The following DOCK6 variants were observed in gnomAD, a reference collection of about 807,000 sequenced individuals.
DOCK6 encodes dedicator of cytokinesis 6, also known as dedicator of cytokinesis protein 6.
DOCK6 carries 167 observed loss-of-function variants against 230.3 expected under a neutral mutation model. That is an observed-to-expected ratio of 0.73 (90% CI 0.64 to 0.82). The LOEUF is 0.82. Among genes scored for constraint, DOCK6 ranks in the 40% least tolerant of loss-of-function variants. The probability of loss-of-function intolerance (pLI) is 0.00; values close to 1 mark genes in which losing one functional copy is unlikely to be tolerated. For missense variants in DOCK6, 2,598 were observed against 2,825.8 expected (o/e 0.92, Z 1.83); for synonymous variants, 1,148 against 1,185.0 (o/e 0.97, Z 0.64).
intron 14 of DOCK6, chr19:11,240,435 T>C: frequency 1.1e-6 from 1 of 878,066 alleles, no homozygotes. Context: ...CAGACAAAAC[T>C]CAAGTCCTTT....
chr19:11,251,164 C>T (rs1276348261), intron 5 of DOCK6, 78 bp from the exon 6 acceptor site: 5 of 1,399,500 alleles, frequency 3.6e-6, no homozygotes, highest in African/African-American at 2.8e-5. Flanking sequence ...TGTCCTCATA[C>T]TCATTCTAGA....
At chr19:11,254,020 A>G in intron 1 of DOCK6, 1 of 317,352 alleles carries the variant, frequency 3.2e-6, no homozygotes, top group Non-Finnish European at 5.7e-6. Flanking sequence ...AGGGAGGCCC[A>G]CGGGTCCCTG....
chr19:11,257,746 G>A (rs1458730132), intron 1 of DOCK6, among the ~76,000 whole-genome samples: 3 of 151,584 alleles, frequency 2.0e-5, no homozygotes, highest in East Asian at 1.9e-4. Context: ...CCGAGATTGC[G>A]CCACTGTACT....
chr19:11,221,620 T>G (rs1354064014), intron 28 of DOCK6: 1 of 571,694 alleles, frequency 1.7e-6, no homozygotes, highest in East Asian at 2.9e-5. Flanking sequence ...CCCCACATTT[T>G]CACATAACCT....
In DOCK6 at chr19:11,236,933, G is replaced by A. The variant is rs1283856271; in HGVS notation, c.2074-54C>T. ...TGGTCAGCCCTCCCTGACTGATCAG[G>A]TCACCCAGCGGCCCCAGCCATTGCG... On this transcript the variant is annotated intron_variant, in intron 18 of 47. Transcript: ENST00000294618. The surrounding 1 kb of genome is among the most constrained non-coding windows in gnomAD (Gnocchi z 5.2). 6.6e-7 allele frequency: 1 copy of A among 1,511,742 alleles called. No homozygotes were observed. Among genetic ancestry groups the A allele is most frequent in the Non-Finnish European group, 8.9e-7 (1 of 1,121,162 alleles). The allele number at this position is 1,511,742 out of a possible 1,614,324, so 93.6% of individuals were successfully genotyped here. A position where few individuals can be genotyped will look rare whatever the true frequency, so the allele number is the denominator to read the frequency against.
intron 14 of DOCK6, chr19:11,239,710 G>A: frequency 6.2e-7 from 1 of 1,613,630 alleles, no homozygotes; most frequent in South Asian, 1.1e-5. Context: ...GGCCCCCATG[G>A]GCGGCCCAGA....
chr19:11,241,423 G>T (rs1326511041), intron 14 of DOCK6: 3 of 1,508,774 alleles, frequency 2.0e-6, no homozygotes, highest in Non-Finnish European at 2.7e-6. Flanking sequence ...GTCGGCTGAG[G>T]TTTCCATTCT....
In DOCK6 at chr19:11,201,787, A is replaced by G; in HGVS notation, c.5688+102T>C. Reference sequence around the variant, plus strand: ...CCCTCTCTGGGTCTGAGGTCCGTGAACCACCTTGGGTCTGGGTCCCTGTGT... The same window carrying G: ...CCCTCTCTGGGTCTGAGGTCCGTGAGCCACCTTGGGTCTGGGTCCCTGTGT... On this transcript the variant is annotated intron_variant, in intron 44 of 47. Coordinates refer to ENST00000294618, the MANE Select transcript of DOCK6 (RefSeq NM_020812.4). This position sits in a 1 kb window ranked among gnomAD's most constrained non-coding sequence, Gnocchi z 4.3. 8.7e-7 allele frequency: 1 copy of G among 1,150,770 alleles called. No homozygotes were observed. Among genetic ancestry groups the G allele is most frequent in the South Asian group, 1.5e-5 (1 of 67,166 alleles). The allele number at this position is 1,150,770 out of a possible 1,614,324, so 71.3% of individuals were successfully genotyped here. A position where few individuals can be genotyped will look rare whatever the true frequency, so the allele number is the denominator to read the frequency against.
intron 22 of DOCK6, 176 bp from the exon 23 acceptor site, chr19:11,229,211 C>T (rs2079723520): frequency 7.7e-7 from 1 of 1,300,260 alleles, no homozygotes; most frequent in Non-Finnish European, 1.0e-6. Flanking sequence ...CGCCAGACCC[C>T]CCTGGACTCT....
intron 1 of DOCK6, among the ~76,000 whole-genome samples, chr19:11,257,546 C>T (rs373902662): frequency 1.4e-5 from 2 of 146,470 alleles, no homozygotes; most frequent in Non-Finnish European, 1.5e-5. Flanking sequence ...CCCAGCACTT[C>T]GGGAGGCCGA....
chr19:11,214,743 T>A, intron 32 of DOCK6, 94 bp from the exon 33 acceptor site: 5 of 1,050,672 alleles, frequency 4.8e-6, no homozygotes, highest in African/African-American at 1.6e-5. Flanking sequence ...CAGGGGGCAC[T>A]GGCTCCCTGG....
At chr19:11,258,342 C>T (rs116504565) in intron 1 of DOCK6, among the ~76,000 whole-genome samples, 2,737 of 152,238 alleles carry the variant, frequency 0.018, 83 homozygotes, top group African/African-American at 0.062. Flanking sequence ...GAGATAGTCC[C>T]CATGGGAAAT....
intron 41 of DOCK6, 72 bp downstream of exon 41, chr19:11,204,009 T>G: frequency 6.5e-7 from 1 of 1,542,502 alleles, no homozygotes; most frequent in Non-Finnish European, 8.8e-7. Context: ...CCCCCTGGTG[T>G]TCACTGATGG....
chr19:11,232,953 T>C (rs975300684), intron 22 of DOCK6, among the ~76,000 whole-genome samples: 2 of 152,022 alleles, frequency 1.3e-5, no homozygotes, highest in African/African-American at 4.8e-5. Context: ...TAGGTACATA[T>C]TGCTCTTTGT....
chr19:11,240,664 C>T (rs1255001489), intron 14 of DOCK6, among the ~76,000 whole-genome samples: 1 of 151,334 alleles, frequency 6.6e-6, no homozygotes, highest in Non-Finnish European at 1.5e-5. Flanking sequence ...ACTGCAACCT[C>T]CACCTCCTAG....
At chr19:11,227,315 A>G (rs1441616022) in intron 24 of DOCK6, 22 bp downstream of exon 24, 1 of 1,611,276 alleles carries the variant, frequency 6.2e-7, no homozygotes. Context: ...TTCTTCCCAC[A>G]TTGAGACCCT....
At chr19:11,225,085 G>A (rs192903826) in intron 24 of DOCK6, among the ~76,000 whole-genome samples, 80 of 151,986 alleles carry the variant, frequency 5.3e-4, no homozygotes, top group African/African-American at 1.8e-3. Context: ...AAAATTAGCC[G>A]GGCATGGTGG....
rs766676229 is a variant in DOCK6 at position 11,202,393 on chromosome 19, C to T, written c.5451+1G>A. ...TTTGGGGAAATGGTTGGGGGACCCA[C>T]CTTTTGTGAGTCAAGCTTGGACTTG... On this transcript the variant is annotated splice_donor_variant, in intron 43 of 47. Coordinates refer to ENST00000294618, the MANE Select transcript of DOCK6 (RefSeq NM_020812.4). LOFTEE classifies it high-confidence loss of function. The surrounding 1 kb of genome is among the most constrained non-coding windows in gnomAD (Gnocchi z 5.3). 4 of 1,613,600 alleles carry T rather than the reference C, an allele frequency of 2.5e-6. No individual in the cohort carries two copies. The highest frequency in any genetic ancestry group is 2.2e-5 in the East Asian group (1 of 44,882).
In DOCK6 at chr19:11,243,131, C is replaced by G. The variant is rs970528614; in HGVS notation, c.1408G>C (p.Glu470Gln). The stretch of plus-strand genomic sequence containing the variant: ...TCAGCCAGGAACTTGAAGAGGTCCT[C>G]GTCACTGAGTCGCTCAGCCTCCTAC... ...FKQEAERLSDEDLFKFLADMR... is the reference protein window; with the variant it reads ...FKQEAERLSDQDLFKFLADMR... Residue 470 changes from glutamate to glutamine, a missense_variant, in exon 13 of 48, where the codon GAG becomes CAG. Physicochemically the swap from Glu to Gln is conservative, Grantham distance 29 (BLOSUM62 2). Coordinates refer to ENST00000294618, the MANE Select transcript of DOCK6 (RefSeq NM_020812.4). This position sits in a 1 kb window ranked among gnomAD's most constrained non-coding sequence, Gnocchi z 6.3. 1.9e-6 allele frequency: 3 copies of G among 1,613,844 alleles called. No individual in the cohort carries two copies. The highest frequency in any genetic ancestry group is 1.1e-5 in the South Asian group (1 of 91,094).
Sources: gnomAD v4.1 joint callset for allele counts (sites outside exome capture counted in the v4.1 genomes callset) on GRCh38, gnomAD v4.1.1 for gene constraint, Gnocchi (gnomAD v3.1) non-coding constraint, MANE v1.5 for transcripts, NCBI Gene and HGNC (gene_info 2026-07-23, HGNC 2026-07-21) for gene names.